NR3C2: variants seen among roughly 807,000 people sequenced by gnomAD.
The protein encoded by NR3C2 is nuclear receptor subfamily 3 group C member 2, also known as mineralocorticoid receptor.
A neutral mutation model predicts 86.4 loss-of-function variants in NR3C2; 15 were observed. The ratio of observed to expected loss-of-function variants is 0.17; its 90% CI spans 0.12 to 0.27. The LOEUF is 0.27. Ranked by LOEUF, NR3C2 falls within the 10% of genes least tolerant of loss-of-function variation. The pLI, the probability that NR3C2 is intolerant of heterozygous loss-of-function variation, is 1.00. For missense variants in NR3C2, 960 were observed against 1,195.6 expected (o/e 0.80, Z 2.91); for synonymous variants, 458 against 450.5 (o/e 1.02, Z -0.21).
At chr4:148,113,340 T>C (rs542834876) in intron 8 of NR3C2, among the ~76,000 whole-genome samples, 73 of 152,318 alleles carry the variant, frequency 4.8e-4, no homozygotes, top group African/African-American at 1.7e-3. Context: ...TTAACAGTTG[T>C]AGAAGATGGA....
chr4:148,193,837 G>T (rs528669771), intron 4 of NR3C2, among the ~76,000 whole-genome samples: 275 of 152,176 alleles, frequency 1.8e-3, no homozygotes, highest in Non-Finnish European at 3.4e-3. Context: ...TTATTTTGGT[G>T]TATATAGTTA....
intron 3 of NR3C2, among the ~76,000 whole-genome samples, chr4:148,220,613 C>A (rs946056788): frequency 2.0e-5 from 3 of 152,092 alleles, no homozygotes; most frequent in African/African-American, 7.2e-5. Context: ...TGAGACATGC[C>A]TGGGCAACAT....
chr4:148,094,781 C>A (rs1731209482), intron 8 of NR3C2, among the ~76,000 whole-genome samples: 1 of 151,500 alleles, frequency 6.6e-6, no homozygotes, highest in Admixed American at 6.6e-5. Context: ...CAGCATTATT[C>A]ACAATTCCGA....
At chr4:148,354,934 A>C (rs985017259) in intron 2 of NR3C2, among the ~76,000 whole-genome samples, 2 of 152,194 alleles carry the variant, frequency 1.3e-5, no homozygotes, top group Admixed American at 6.5e-5. Flanking sequence ...ATGGAAAGTA[A>C]TAAGTGATTT....
chr4:148,392,526 C>T (rs548934685), intron 2 of NR3C2, among the ~76,000 whole-genome samples: 1 of 152,292 alleles, frequency 6.6e-6, no homozygotes, highest in Non-Finnish European at 1.5e-5. Flanking sequence ...TCTTCCACGG[C>T]ACTTGCACTC....
chr4:148,421,796 A>G (rs567523278), intron 2 of NR3C2, among the ~76,000 whole-genome samples: 2 of 152,344 alleles, frequency 1.3e-5, no homozygotes, highest in South Asian at 4.1e-4. Flanking sequence ...CACAGAGGCT[A>G]GGCCATGTTC....
intron 2 of NR3C2, among the ~76,000 whole-genome samples, chr4:148,291,733 A>G (rs1741804161): frequency 6.6e-6 from 1 of 152,088 alleles, no homozygotes. Flanking sequence ...ACTCTCTTTT[A>G]TTTCTACTAA....
intron 2 of NR3C2, among the ~76,000 whole-genome samples, chr4:148,377,465 G>C (rs1746737479): frequency 6.6e-6 from 1 of 152,188 alleles, no homozygotes; most frequent in Admixed American, 6.5e-5. Context: ...ACTGAGACAA[G>C]GGATTGGCTC....
chr4:148,099,943 C>T (rs1309996954), intron 8 of NR3C2, among the ~76,000 whole-genome samples: 1 of 152,136 alleles, frequency 6.6e-6, no homozygotes, highest in Non-Finnish European at 1.5e-5. Context: ...ATCTCGCAGT[C>T]AGGTGGGAAT....
Position 148,406,666 on chromosome 4 carries a change from T to C in NR3C2, c.1757+28438A>G, listed in dbSNP as rs62333652. 8.0e-3 allele frequency among the ~76,000 whole-genome samples: 1,216 copies of C among 152,176 alleles called. 4 individuals are homozygous for C. Among genetic ancestry groups the C allele is most frequent in the Non-Finnish European group, 0.013 (915 of 67,994 alleles). ...TCTGGTCTTTTTATCCTAAGAGAAATAGGAGGCCGGTAAAAGCTTTAACTA... is the reference window on the plus strand; with the variant it reads ...TCTGGTCTTTTTATCCTAAGAGAAACAGGAGGCCGGTAAAAGCTTTAACTA... On this transcript the variant is annotated intron_variant, in intron 2 of 8. Coordinates refer to ENST00000358102, the MANE Select transcript of NR3C2 (RefSeq NM_000901.5).
chr4:148,408,495 T>C (rs756393750), intron 2 of NR3C2, among the ~76,000 whole-genome samples: 8 of 152,200 alleles, frequency 5.3e-5, no homozygotes, highest in Non-Finnish European at 1.0e-4. Flanking sequence ...AAGGCAGAGA[T>C]CATTCTGTTT....
chr4:148,256,532 T>C (rs1017147879), intron 3 of NR3C2, among the ~76,000 whole-genome samples: 2 of 152,194 alleles, frequency 1.3e-5, no homozygotes, highest in Non-Finnish European at 2.9e-5. Context: ...TCTCCATTTA[T>C]AGACAAAGAA....
chr4:148,228,397 A>T (rs1738288351), intron 3 of NR3C2, among the ~76,000 whole-genome samples: 2 of 152,118 alleles, frequency 1.3e-5, no homozygotes, highest in African/African-American at 4.8e-5. Context: ...CATTGTGTGG[A>T]TGTACTATGG....
At chr4:148,374,194 A>G (rs1435188850) in intron 2 of NR3C2, among the ~76,000 whole-genome samples, 2 of 152,226 alleles carry the variant, frequency 1.3e-5, no homozygotes, top group African/African-American at 4.8e-5. Flanking sequence ...GTGGGAACTA[A>G]GGATACAAGA....
chr4:148,357,621 A>T (rs1460772146), intron 2 of NR3C2, among the ~76,000 whole-genome samples: 1 of 152,220 alleles, frequency 6.6e-6, no homozygotes, highest in African/African-American at 2.4e-5. Flanking sequence ...AGAATCTAGG[A>T]AAATACCAAC....
chr4:148,369,038 A>C (rs1191359632), intron 2 of NR3C2, among the ~76,000 whole-genome samples: 1 of 152,182 alleles, frequency 6.6e-6, no homozygotes, highest in Non-Finnish European at 1.5e-5. Flanking sequence ...AACACCATTA[A>C]CTACATTCTG....
intron 2 of NR3C2, among the ~76,000 whole-genome samples, chr4:148,282,672 AG>A (rs1415719592): frequency 2.0e-5 from 3 of 152,112 alleles, no homozygotes; most frequent in Non-Finnish European, 4.4e-5. Context: ...GGGGAGTTGG[AG>A]GGGGTGCAGT....
intron 2 of NR3C2, among the ~76,000 whole-genome samples, chr4:148,281,105 C>T (rs1343183953): frequency 6.6e-6 from 1 of 152,134 alleles, no homozygotes; most frequent in Non-Finnish European, 1.5e-5. Flanking sequence ...ATTCTTTTTC[C>T]CCAGTTCTCT....
chr4:148,287,547 A>G (rs749230851), intron 2 of NR3C2, among the ~76,000 whole-genome samples: 6 of 152,234 alleles, frequency 3.9e-5, no homozygotes, highest in Non-Finnish European at 7.3e-5. Flanking sequence ...GGAATTGCCA[A>G]CTTAAACTGT....
Sources: allele counts gnomAD v4.1 joint callset (sites outside exome capture counted in the v4.1 genomes callset), GRCh38; gene constraint gnomAD v4.1.1; transcripts MANE v1.5; gene names NCBI Gene and HGNC (gene_info 2026-07-23, HGNC 2026-07-21).